The following PDE2A variants were observed in gnomAD, a reference collection of about 807,000 sequenced individuals.
The protein encoded by PDE2A is cGMP-dependent 3',5'-cyclic phosphodiesterase.
A neutral mutation model predicts 133.6 loss-of-function variants in PDE2A; 53 were observed. The observed-to-expected ratio is 0.40, with a 90% CI of 0.32 to 0.50. The LOEUF (loss-of-function observed/expected upper bound fraction) is 0.50. Ranked by LOEUF, PDE2A falls within the 20% of genes least tolerant of loss-of-function variation. The pLI is 0.73. For missense variants in PDE2A, 796 were observed against 1,232.4 expected, an observed-to-expected ratio of 0.65 and a Z score of 5.30; for synonymous variants, 491 against 490.2, an observed-to-expected ratio of 1.00 and a Z score of -0.02.
At chr11:72,593,759 G>A (rs1856356512) in intron 6 of PDE2A, among the ~76,000 whole-genome samples, 1 of 152,172 alleles carries the variant, frequency 6.6e-6, no homozygotes, top group African/African-American at 2.4e-5. Context: ...CCAGAAGTCA[G>A]CCACACAGCC....
At position 72,669,896 on chromosome 11, in the gene PDE2A, C is replaced by G. The variant is rs80001511; in HGVS notation, c.71+4241G>C. 8.9e-3 allele frequency among the ~76,000 whole-genome samples: 1,362 copies of G among 152,274 alleles called. 25 individuals are homozygous for G. Among genetic ancestry groups the G allele is most frequent in the African/African-American group, 0.032 (1,312 of 41,544 alleles). On this transcript the variant is annotated intron_variant, in intron 1 of 30. Coordinates refer to ENST00000334456, the MANE Select transcript of PDE2A (RefSeq NM_002599.5). ...TGGGTCCCTCAGCAAGCTCTGGTCA[C>G]GAGCACCAGGAGAGACCAAGAAGTT...
intron 1 of PDE2A, among the ~76,000 whole-genome samples, chr11:72,660,259 A>G (rs1051006199): frequency 6.6e-6 from 1 of 152,222 alleles, no homozygotes; most frequent in African/African-American, 2.4e-5. Context: ...AAATAAATTC[A>G]GAAAAAGTAG....
At chr11:72,612,712 G>A (rs1303015276) in intron 2 of PDE2A, among the ~76,000 whole-genome samples, 2 of 151,402 alleles carry the variant, frequency 1.3e-5, no homozygotes, top group African/African-American at 4.9e-5. Flanking sequence ...TGGGTGGATA[G>A]GTAGATGGGT....
intron 2 of PDE2A, among the ~76,000 whole-genome samples, chr11:72,620,371 G>C (rs1378412568): frequency 6.6e-6 from 1 of 152,170 alleles, no homozygotes; most frequent in Non-Finnish European, 1.5e-5. Context: ...CCAGAGCTGG[G>C]ATGCAGAGCT....
intron 3 of PDE2A, among the ~76,000 whole-genome samples, chr11:72,608,263 C>T (rs1009643214): frequency 2.0e-5 from 3 of 152,186 alleles, no homozygotes; most frequent in Admixed American, 2.0e-4. Context: ...TCTAGTACCT[C>T]CCAGACCTGG....
rs943921286 is a variant in PDE2A at position 72,585,080 on chromosome 11, G to T, written c.1287-136C>A. On this transcript the variant is annotated intron_variant, in intron 16 of 30. Transcript: ENST00000334456. Reference sequence around the variant, plus strand: ...AGGTAAGACACTCTGCTCAGGGCTGGCTGGCTCCAGAAACGTGTCCATTCA... The same window carrying T: ...AGGTAAGACACTCTGCTCAGGGCTGTCTGGCTCCAGAAACGTGTCCATTCA... The T allele has an allele frequency of 1.3e-5, 11 of 821,114 alleles. No individual in the cohort carries two copies. In the Admixed American group the frequency reaches 1.7e-4, roughly 13 times the overall value. The allele number at this position is 821,114 out of a possible 1,614,324, so 50.9% of individuals were successfully genotyped here.
chr11:72,603,704 C>G (rs188238208), intron 4 of PDE2A, among the ~76,000 whole-genome samples: 17 of 152,332 alleles, frequency 1.1e-4, no homozygotes, highest in Non-Finnish European at 2.1e-4. Flanking sequence ...ACCTTTCAGA[C>G]CATCCTCTTA....
chr11:72,588,106 C>T (rs985810326), intron 13 of PDE2A: 7 of 152,304 alleles, frequency 4.6e-5, no homozygotes, highest in African/African-American at 9.7e-5. Context: ...CAAGTGTGAA[C>T]CTGCACCCAG....
chr11:72,620,231 A>T (rs1308743013), intron 2 of PDE2A, among the ~76,000 whole-genome samples: 1 of 152,164 alleles, frequency 6.6e-6, no homozygotes, highest in Non-Finnish European at 1.5e-5. Context: ...GGGTAGACAC[A>T]TTCCAGATGA....
intron 4 of PDE2A, among the ~76,000 whole-genome samples, chr11:72,599,741 G>A (rs1856652501): frequency 1.3e-5 from 2 of 152,316 alleles, no homozygotes; most frequent in South Asian, 4.1e-4. Flanking sequence ...ATTTCACTGG[G>A]TCCTTCTGGG....
At chr11:72,661,304 CAATA>C (rs1412572283) in intron 1 of PDE2A, among the ~76,000 whole-genome samples, 1 of 152,018 alleles carries the variant, frequency 6.6e-6, no homozygotes, top group African/African-American at 2.4e-5. Context: ...GACTCTGTCT[CAATA>C]AATAAATAAA....
At chr11:72,605,381 G>A (rs1856927502) in intron 3 of PDE2A, among the ~76,000 whole-genome samples, 155 bp from the exon 4 acceptor site, 1 of 152,198 alleles carries the variant, frequency 6.6e-6, no homozygotes, top group African/African-American at 2.4e-5. Context: ...GTGATTCTAA[G>A]ATGCAGCCAG....
At chr11:72,663,108 C>T (rs1855120684) in intron 1 of PDE2A, among the ~76,000 whole-genome samples, 2 of 152,164 alleles carry the variant, frequency 1.3e-5, no homozygotes, top group African/African-American at 4.8e-5. Flanking sequence ...ATCAGCGGTC[C>T]CAGCACTCAC....
Position 72,597,723 on chromosome 11 carries a change from TCTGGGCAAGCTGAC to T in PDE2A, c.324-118_324-105del, listed in dbSNP as rs1237656884. ...TTTGGACCCTGCACATGTGCAAGGA[TCTGGGCAAGCTGAC>T]CTGCCTCAGGTTGGACACGATGACA... On this transcript the variant is annotated intron_variant, in intron 4 of 30. Coordinates refer to ENST00000334456, the MANE Select transcript of PDE2A (RefSeq NM_002599.5). This position sits in a 1 kb window ranked among gnomAD's most constrained non-coding sequence, Gnocchi z 4.6. The T allele has an allele frequency of 4.1e-6, 3 of 729,334 alleles. No individual in the cohort carries two copies. In the African/African-American group the frequency reaches 5.3e-5, roughly 13 times the overall value. The allele number at this position is 729,334 out of a possible 1,614,324, so 45.2% of individuals were successfully genotyped here.
At chr11:72,650,895 A>G (rs1201379322) in intron 1 of PDE2A, among the ~76,000 whole-genome samples, 1 of 113,260 alleles carries the variant, frequency 8.8e-6, no homozygotes, top group Non-Finnish European at 2.1e-5. Context: ...ACACACACAC[A>G]CACACACACA....
chr11:72,636,187 G>A, intron 2 of PDE2A: 1 of 1,046,180 alleles, frequency 9.6e-7, no homozygotes, highest in South Asian at 2.9e-5. Context: ...TGAACAGGAA[G>A]GTCCTGGAGC....
At chr11:72,665,862 A>C (rs545791247) in intron 1 of PDE2A, among the ~76,000 whole-genome samples, 2 of 152,184 alleles carry the variant, frequency 1.3e-5, no homozygotes, top group South Asian at 4.2e-4. Flanking sequence ...AAGAGAGATA[A>C]CAGAGAAAGC....
At chr11:72,581,989 C>A in intron 21 of PDE2A, 42 bp from the exon 22 acceptor site, 1 of 1,511,012 alleles carries the variant, frequency 6.6e-7, no homozygotes, top group South Asian at 1.1e-5. Context: ...CTGCCAGTAT[C>A]AAGACGGGGC....
chr11:72,579,494 A>C (rs1855616164), intron 26 of PDE2A, 40 bp downstream of exon 26: 1 of 1,570,266 alleles, frequency 6.4e-7, no homozygotes, highest in Non-Finnish European at 8.7e-7. Context: ...GCCAGCTCCC[A>C]GCTCCCCCTC....
Sources: allele counts gnomAD v4.1 joint callset (sites outside exome capture counted in the v4.1 genomes callset), GRCh38; gene constraint gnomAD v4.1.1; non-coding constraint Gnocchi (gnomAD v3.1); transcripts MANE v1.5; gene names NCBI Gene and HGNC (gene_info 2026-07-23, HGNC 2026-07-21).